PDLIM5: variants seen among roughly 807,000 people sequenced by gnomAD.
PDLIM5 encodes PDZ and LIM domain 5, also known as PDZ and LIM domain protein 5.
PDLIM5 carries 34 observed loss-of-function variants against 64.2 expected under a neutral mutation model. The ratio of observed to expected loss-of-function variants is 0.53; its 90% CI spans 0.40 to 0.71. PDLIM5 has a LOEUF of 0.71. Among genes scored for constraint, PDLIM5 ranks in the 30% least tolerant of loss-of-function variants. The pLI, the probability that PDLIM5 is intolerant of heterozygous loss-of-function variation, is 0.00. For synonymous variants in PDLIM5, 253 were observed against 269.1 expected (o/e 0.94, Z 0.59); for missense variants, 683 against 733.6 (o/e 0.93, Z 0.80).
At chr4:94,659,467 T>C (rs1358994974) in intron 11 of PDLIM5, among the ~76,000 whole-genome samples, 1 of 149,350 alleles carries the variant, frequency 6.7e-6, no homozygotes, top group Non-Finnish European at 1.5e-5. Context: ...ACAGCAGGCA[T>C]AGAGCAGCTG....
chr4:94,643,692 T>C (rs1741181786), intron 9 of PDLIM5, among the ~76,000 whole-genome samples: 1 of 152,222 alleles, frequency 6.6e-6, no homozygotes, highest in Non-Finnish European at 1.5e-5. Context: ...TTGTTTTGCC[T>C]TTGCCTACAG....
intron 9 of PDLIM5, among the ~76,000 whole-genome samples, chr4:94,646,634 T>C (rs1477124369): frequency 6.6e-6 from 1 of 152,194 alleles, no homozygotes; most frequent in Non-Finnish European, 1.5e-5. Flanking sequence ...GAGGTAAGGA[T>C]TATCCAACTT....
intron 3 of PDLIM5, among the ~76,000 whole-genome samples, chr4:94,549,531 C>T (rs1732614852): frequency 6.6e-6 from 1 of 152,066 alleles, no homozygotes; most frequent in African/African-American, 2.4e-5. Context: ...TGTTCATCAG[C>T]AGGAAATGGA....
chr4:94,564,338 C>G (rs1024720812), intron 3 of PDLIM5, among the ~76,000 whole-genome samples: 2 of 152,144 alleles, frequency 1.3e-5, no homozygotes, highest in African/African-American at 4.8e-5. Context: ...ATGTGTTCTG[C>G]CCCCAGCCAT....
chr4:94,485,656 A>G (rs1248068835), intron 2 of PDLIM5, among the ~76,000 whole-genome samples: 1 of 150,256 alleles, frequency 6.7e-6, no homozygotes, highest in African/African-American at 2.4e-5. Context: ...ATATGGTGAA[A>G]CCCTGTCTCT....
At chr4:94,621,180 A>G (rs1739212937) in intron 8 of PDLIM5, among the ~76,000 whole-genome samples, 1 of 151,698 alleles carries the variant, frequency 6.6e-6, no homozygotes, top group African/African-American at 2.4e-5. Flanking sequence ...GACTTTCATT[A>G]CTTCTAAAAA....
chr4:94,463,921 T>C (rs1354448971), intron 2 of PDLIM5, among the ~76,000 whole-genome samples: 1 of 152,184 alleles, frequency 6.6e-6, no homozygotes, highest in African/African-American at 2.4e-5. Context: ...TATAGAGTGT[T>C]CTGTAGCATA....
Position 94,645,027 on chromosome 4 carries a change from T to A in PDLIM5, c.1283+4577T>A, listed in dbSNP as rs187958028. On this transcript the variant is annotated intron_variant, in intron 9 of 12. Transcript: ENST00000317968. Reference sequence around the variant, plus strand: ...TTTGGTGCACCCATCACCAGAGCAGTATACTCTGAACCTAATTTGTAGTCT... The same window carrying A: ...TTTGGTGCACCCATCACCAGAGCAGAATACTCTGAACCTAATTTGTAGTCT... Among the ~76,000 whole-genome samples the A allele has an allele frequency of 4.1e-3, 619 of 152,306 alleles. 4 individuals carry two copies. The highest frequency in any genetic ancestry group is 0.014 in the African/African-American group (587 of 41,572).
At chr4:94,585,008 T>C in intron 5 of PDLIM5, 1 of 1,480,112 alleles carries the variant, frequency 6.8e-7, no homozygotes. Context: ...TAAACGGTAA[T>C]CTTTCTGTTG....
intron 3 of PDLIM5, among the ~76,000 whole-genome samples, chr4:94,561,992 G>T (rs1383521738): frequency 6.6e-6 from 1 of 152,224 alleles, no homozygotes; most frequent in Non-Finnish European, 1.5e-5. Flanking sequence ...GTACTAGCCA[G>T]AGCTCTGTGT....
chr4:94,666,029 G>C lies in PDLIM5; in HGVS notation c.*1962G>C. 1 of 1,534,098 alleles carries C rather than the reference G, an allele frequency of 6.5e-7. No individual in the cohort carries two copies. The highest frequency in any genetic ancestry group is 8.7e-7 in the Non-Finnish European group (1 of 1,145,850). On this transcript the variant is annotated 3_prime_UTR_variant, in exon 13 of 13. Coordinates refer to ENST00000317968, the MANE Select transcript of PDLIM5 (RefSeq NM_006457.5). ...GGTTTTTCTCTTTGTTTCCAGAATG[G>C]ATGAAAGTCCATGAACCTCCTAAGT...
chr4:94,554,748 A>G (rs1471769638), intron 3 of PDLIM5, among the ~76,000 whole-genome samples: 1 of 148,364 alleles, frequency 6.7e-6, no homozygotes, highest in African/African-American at 2.5e-5. Flanking sequence ...CATAGTATAT[A>G]ACAAAATACC....
At chr4:94,645,801 A>G (rs1407267316) in intron 9 of PDLIM5, among the ~76,000 whole-genome samples, 7 of 152,178 alleles carry the variant, frequency 4.6e-5, no homozygotes, top group Non-Finnish European at 4.4e-5. Context: ...TTTGTGATGA[A>G]TGAATATACA....
At position 94,585,607 on chromosome 4, in the gene PDLIM5, T is replaced by G; in HGVS notation, c.753T>G (p.Tyr251Ter). ...TTGTGGAGCGCTATACAGAGTTTTA[T>G]CATGTACCCACTCACAGTGATGCCA... ...KHIVERYTEFYHVPTHSDASK... is the reference protein window; with the variant it reads ...KHIVERYTEF Residue 251 changes from tyrosine to a stop codon, truncating the protein, a stop_gained, in exon 6 of 13, where the codon TAT (tyrosine) becomes TAG (stop). Coordinates refer to ENST00000317968, the MANE Select transcript of PDLIM5 (RefSeq NM_006457.5). LOFTEE classifies it high-confidence loss of function. 1 of 1,613,638 alleles carries G rather than the reference T, an allele frequency of 6.2e-7. No individual in the cohort carries two copies. Among genetic ancestry groups the G allele is most frequent in the Non-Finnish European group, 8.5e-7 (1 of 1,179,784 alleles).
chr4:94,465,626 G>T (rs1724284752), intron 2 of PDLIM5, among the ~76,000 whole-genome samples: 1 of 151,940 alleles, frequency 6.6e-6, no homozygotes, highest in South Asian at 2.1e-4. Context: ...GGCTAGGCTG[G>T]TCTCAAACCC....
At chr4:94,629,799 A>G (rs1262654680) in intron 8 of PDLIM5, among the ~76,000 whole-genome samples, 1 of 152,164 alleles carries the variant, frequency 6.6e-6, no homozygotes, top group African/African-American at 2.4e-5. Flanking sequence ...AATCTGTCCA[A>G]TTTGCTTTTA....
chr4:94,602,540 C>T (rs1350966292), intron 7 of PDLIM5, among the ~76,000 whole-genome samples: 2 of 152,078 alleles, frequency 1.3e-5, no homozygotes, highest in Non-Finnish European at 2.9e-5. Flanking sequence ...GCAACCTCCG[C>T]CTCCCAGGTT....
At chr4:94,590,198 A>G (rs1191054918) in intron 7 of PDLIM5, among the ~76,000 whole-genome samples, 2 of 152,232 alleles carry the variant, frequency 1.3e-5, no homozygotes, top group African/African-American at 4.8e-5. Flanking sequence ...TTCGTGCATC[A>G]TTGTGCCCTT....
At chr4:94,632,833 G>C (rs1345220153) in intron 8 of PDLIM5, among the ~76,000 whole-genome samples, 1 of 152,136 alleles carries the variant, frequency 6.6e-6, no homozygotes, top group Non-Finnish European at 1.5e-5. Flanking sequence ...CCAGAGAACT[G>C]GGCAGCCTCA....
Sources: allele counts gnomAD v4.1 joint callset (sites outside exome capture counted in the v4.1 genomes callset), GRCh38; gene constraint gnomAD v4.1.1; transcripts MANE v1.5; gene names NCBI Gene and HGNC (gene_info 2026-07-23, HGNC 2026-07-21).